Variants in LRRFIP1 observed in about 807,000 individuals in gnomAD.
LRRFIP1 encodes the protein LRR binding FLII interacting protein 1.
A neutral mutation model predicts 104.4 loss-of-function variants in LRRFIP1; 62 were observed. The ratio of observed to expected loss-of-function variants is 0.59; its 90% CI spans 0.48 to 0.73. The LOEUF (loss-of-function observed/expected upper bound fraction) is 0.73, where lower values mean the gene tolerates loss of function less well. LRRFIP1 is among the 30% of genes least tolerant of loss of function. LRRFIP1 has a pLI of 0.00. For synonymous variants in LRRFIP1, 300 were observed against 299.0 expected, an observed-to-expected ratio of 1.00 and a Z score of -0.03; for missense variants, 796 against 824.5, an observed-to-expected ratio of 0.97 and a Z score of 0.42.
chr2:237,739,516 G>A (rs2095351377), intron 11 of LRRFIP1, among the ~76,000 whole-genome samples: 1 of 152,200 alleles, frequency 6.6e-6, no homozygotes, highest in South Asian at 2.1e-4. Flanking sequence ...TTTATACAAA[G>A]GGAGAAAATA....
chr2:237,765,947 G>T (rs2060228486), intron 19 of LRRFIP1: 3 of 981,364 alleles, frequency 3.1e-6, no homozygotes, highest in Non-Finnish European at 3.6e-6. Flanking sequence ...GCTGCTTGAA[G>T]TCTGAGTCTG....
At position 237,675,730 on chromosome 2, in the gene LRRFIP1, AT is replaced by A. The variant is rs1314163604; in HGVS notation, c.97-32813del. 3.3e-5 allele frequency among the ~76,000 whole-genome samples: 5 copies of A among 152,238 alleles called. No individual in the cohort carries two copies. In the East Asian group the frequency reaches 9.6e-4, roughly 29 times the overall value. Reference sequence around the variant, plus strand: ...CTGGAAAAGAAAAGTAAAGAAAAAAATATCTCTATCTTCCTTGTGACATAAA... The same window carrying A: ...CTGGAAAAGAAAAGTAAAGAAAAAAAATCTCTATCTTCCTTGTGACATAAA... On this transcript the variant is annotated intron_variant, in intron 1 of 23. Transcript: ENST00000308482.
chr2:237,757,879 C>A (rs2059439531), intron 17 of LRRFIP1, among the ~76,000 whole-genome samples: 1 of 151,774 alleles, frequency 6.6e-6, no homozygotes, highest in Non-Finnish European at 1.5e-5. Flanking sequence ...CTGATGTGTG[C>A]AAGTCCAGAC....
At chr2:237,748,434 A>T in intron 12 of LRRFIP1, 35 bp downstream of exon 12, 1 of 1,551,846 alleles carries the variant, frequency 6.4e-7, no homozygotes, top group Non-Finnish European at 8.7e-7. Flanking sequence ...AGGGTCCCAA[A>T]AGTTGTGGAT....
At chr2:237,657,983 C>T (rs2087127766) in intron 1 of LRRFIP1, among the ~76,000 whole-genome samples, 1 of 152,170 alleles carries the variant, frequency 6.6e-6, no homozygotes, top group Non-Finnish European at 1.5e-5. Context: ...AAGAAGTACA[C>T]AAGAGAACTG....
intron 15 of LRRFIP1, among the ~76,000 whole-genome samples, chr2:237,753,834 G>GTA (rs75180326): frequency 8.3e-6 from 1 of 120,330 alleles, no homozygotes; most frequent in African/African-American, 3.3e-5. Flanking sequence ...GTGTGTGTGT[G>GTA]TGTGTGTATG....
chr2:237,779,256 C>T (rs2061351608), intron 23 of LRRFIP1, 166 bp from the exon 24 acceptor site: 1 of 729,948 alleles, frequency 1.4e-6, no homozygotes, highest in Non-Finnish European at 1.7e-6. Flanking sequence ...AAGGGTGTTC[C>T]CTCTCTGGAG....
chr2:237,733,929 T>C (rs2095132355), intron 9 of LRRFIP1, 111 bp downstream of exon 9: 1 of 1,166,428 alleles, frequency 8.6e-7, no homozygotes, highest in African/African-American at 1.5e-5. Flanking sequence ...TGGGGGAAGT[T>C]GCACCTTCAC....
chr2:237,647,230 C>T (rs1272500361), intron 1 of LRRFIP1, among the ~76,000 whole-genome samples: 1 of 152,008 alleles, frequency 6.6e-6, no homozygotes, highest in African/African-American at 2.4e-5. Context: ...ACCACAGCTT[C>T]TCTCTTGGGC....
chr2:237,706,700 T>C (rs1220731728), intron 1 of LRRFIP1, among the ~76,000 whole-genome samples: 4 of 152,188 alleles, frequency 2.6e-5, no homozygotes, highest in Non-Finnish European at 4.4e-5. Context: ...CAATCACAGC[T>C]CACTACAGCC....
intron 8 of LRRFIP1, among the ~76,000 whole-genome samples, chr2:237,728,596 A>G (rs1407864812): frequency 2.0e-5 from 3 of 152,144 alleles, no homozygotes; most frequent in East Asian, 1.9e-4. Context: ...AGAAGGTTAC[A>G]CTGGATACAT....
intron 10 of LRRFIP1, among the ~76,000 whole-genome samples, chr2:237,738,808 G>A (rs966704811): frequency 7.9e-5 from 12 of 152,218 alleles, no homozygotes; most frequent in Admixed American, 3.9e-4. Context: ...GAAAGATAGT[G>A]GAGAAGCAAA....
intron 1 of LRRFIP1, among the ~76,000 whole-genome samples, chr2:237,653,273 A>G (rs763723845): frequency 7.9e-5 from 12 of 152,226 alleles, no homozygotes; most frequent in Admixed American, 4.6e-4. Flanking sequence ...AATAGCTACA[A>G]AAAAAGCACT....
intron 14 of LRRFIP1, 42 bp from the exon 15 acceptor site, chr2:237,753,267 T>C: frequency 6.7e-7 from 1 of 1,492,214 alleles, no homozygotes; most frequent in Non-Finnish European, 9.0e-7. Flanking sequence ...TTTGTTTTGA[T>C]TTTTTTATTG....
intron 19 of LRRFIP1, chr2:237,765,952 A>T: frequency 1.0e-6 from 1 of 978,736 alleles, no homozygotes; most frequent in Non-Finnish European, 1.2e-6. Context: ...TTGAAGTCTG[A>T]GTCTGACTAC....
chr2:237,679,898 G>A lies in LRRFIP1; in HGVS notation c.97-28646G>A, dbSNP rs183365770. On this transcript the variant is annotated intron_variant, in intron 1 of 23. Coordinates refer to ENST00000308482, the MANE Select transcript of LRRFIP1 (RefSeq NM_001137550.2). The stretch of plus-strand genomic sequence containing the variant: ...GCTGGGATTACAGGCATGAGCCACC[G>A]CGCCCAGCCTGATTTTTTAAATAAT... 4.7e-3 allele frequency among the ~76,000 whole-genome samples: 717 copies of A among 152,160 alleles called. 4 individuals carry two copies. The highest frequency in any genetic ancestry group is 0.016 in the African/African-American group (659 of 41,510).
intron 1 of LRRFIP1, among the ~76,000 whole-genome samples, chr2:237,657,787 A>T (rs2087095285): frequency 6.6e-6 from 1 of 152,260 alleles, no homozygotes; most frequent in Non-Finnish European, 1.5e-5. Context: ...TTCCTTCTTG[A>T]ATAAACTATT....
chr2:237,632,533 T>G (rs2082529641), intron 1 of LRRFIP1, among the ~76,000 whole-genome samples: 1 of 152,230 alleles, frequency 6.6e-6, no homozygotes, highest in Non-Finnish European at 1.5e-5. Flanking sequence ...AGGTAGTTCG[T>G]AAATATCGGG....
At chr2:237,705,738 G>A (rs1480900453) in intron 1 of LRRFIP1, among the ~76,000 whole-genome samples, 1 of 152,094 alleles carries the variant, frequency 6.6e-6, no homozygotes, top group East Asian at 1.9e-4. Context: ...CAACCAAGGT[G>A]TCGGCCAGTC....
Sources: gnomAD v4.1 joint callset for allele counts (sites outside exome capture counted in the v4.1 genomes callset) on GRCh38, gnomAD v4.1.1 for gene constraint, MANE v1.5 for transcripts, NCBI Gene and HGNC (gene_info 2026-07-23, HGNC 2026-07-21) for gene names.